The following SLC17A1 variants were observed in gnomAD, a reference collection of about 807,000 sequenced individuals.
SLC17A1 encodes solute carrier family 17 member 1, also known as sodium-dependent phosphate transport protein 1.
Under a neutral mutation model 53.5 loss-of-function variants are expected in SLC17A1, and 51 were observed. That is an observed-to-expected ratio of 0.95 (90% confidence interval 0.76 to 1.20). The LOEUF is 1.20. SLC17A1 is among the 50% of genes most tolerant of loss of function. The pLI is 0.00. For synonymous variants in SLC17A1, 179 were observed against 198.8 expected, an observed-to-expected ratio of 0.90 and a Z score of 0.84; for missense variants, 538 against 568.2, an observed-to-expected ratio of 0.95 and a Z score of 0.54.
At chr6:25,726,898 G>C in the SLC17A1 span, 1 of 1,607,648 alleles carries the variant, frequency 6.2e-7, no homozygotes, top group East Asian at 2.2e-5. Flanking sequence ...CTGCAGAAGT[G>C]TGTGGTAGCT....
chr6:25,727,350 T>TAATGA, the SLC17A1 span: 2 of 1,446,980 alleles, frequency 1.4e-6, no homozygotes, highest in Non-Finnish European at 1.9e-6. Flanking sequence ...CACTTAAACA[T>TAATGA]ACTGAAACAG....
the SLC17A1 span, among the ~76,000 whole-genome samples, chr6:25,769,770 T>C: frequency 1.3e-5 from 2 of 152,088 alleles, no homozygotes; most frequent in African/African-American, 4.8e-5. Context: ...CTGCTTTTTC[T>C]TCCTTCCACG....
chr6:25,758,180 T>C, the SLC17A1 span, among the ~76,000 whole-genome samples: 1 of 152,184 alleles, frequency 6.6e-6, no homozygotes, highest in South Asian at 2.1e-4. Context: ...CACACACACA[T>C]AGGGGACATA....
chr6:25,787,043 A>G (rs1294414744), intron 12 of SLC17A1, among the ~76,000 whole-genome samples: 1 of 60,866 alleles, frequency 1.6e-5, no homozygotes, highest in African/African-American at 4.3e-5. Flanking sequence ...TTAACAAGGA[A>G]ATAAATAAAT....
intron 12 of SLC17A1, among the ~76,000 whole-genome samples, chr6:25,795,494 A>G (rs528912946): frequency 1.3e-5 from 2 of 152,304 alleles, no homozygotes; most frequent in South Asian, 2.1e-4. Flanking sequence ...GAGGAGGAGA[A>G]GGACCAAAAA....
the SLC17A1 span, among the ~76,000 whole-genome samples, chr6:25,736,609 C>T: frequency 6.6e-6 from 1 of 152,084 alleles, no homozygotes; most frequent in Non-Finnish European, 1.5e-5. Context: ...TTTTGACTCC[C>T]TTCCATGGGG....
chr6:25,806,585 A>G (rs1763961229), intron 10 of SLC17A1, among the ~76,000 whole-genome samples: 1 of 151,934 alleles, frequency 6.6e-6, no homozygotes. Flanking sequence ...GGAAGTCAAA[A>G]CCTAGGAAAA....
the SLC17A1 span, among the ~76,000 whole-genome samples, chr6:25,749,153 C>T: frequency 2.0e-5 from 3 of 152,218 alleles, no homozygotes; most frequent in African/African-American, 7.2e-5. Flanking sequence ...TTGAACAATA[C>T]CCAGCTTTCC....
chr6:25,746,629 T>C, the SLC17A1 span, among the ~76,000 whole-genome samples: 2 of 152,172 alleles, frequency 1.3e-5, no homozygotes, highest in Admixed American at 1.3e-4. Flanking sequence ...CTATGCCTTG[T>C]TGTGGAATAT....
chr6:25,795,366 T>A (rs897007428), intron 12 of SLC17A1, among the ~76,000 whole-genome samples: 26 of 152,072 alleles, frequency 1.7e-4, no homozygotes, highest in Admixed American at 1.3e-3. Flanking sequence ...AGAAAAAGAA[T>A]ATAGCATGTA....
At chr6:25,755,760 G>T in the SLC17A1 span, among the ~76,000 whole-genome samples, 3 of 152,124 alleles carry the variant, frequency 2.0e-5, no homozygotes, top group Non-Finnish European at 4.4e-5. Flanking sequence ...TCCCTTCTGG[G>T]TCTAACAGGA....
chr6:25,766,590 A>G, the SLC17A1 span, among the ~76,000 whole-genome samples: 9 of 152,162 alleles, frequency 5.9e-5, no homozygotes, highest in Non-Finnish European at 2.9e-5. Context: ...ACCAAGATCA[A>G]CTCAACAGTA....
At chr6:25,724,718 T>C in the SLC17A1 span, among the ~76,000 whole-genome samples, 1 of 152,360 alleles carries the variant, frequency 6.6e-6, no homozygotes, top group Admixed American at 6.5e-5. Flanking sequence ...ATTAATTACT[T>C]GGAATTCATC....
chr6:25,800,623 C>T (rs1228420470), intron 11 of SLC17A1, among the ~76,000 whole-genome samples: 1 of 152,092 alleles, frequency 6.6e-6, no homozygotes, highest in Non-Finnish European at 1.5e-5. Context: ...TCCACATATT[C>T]ATTATCAAAA....
the SLC17A1 span, chr6:25,770,319 G>A: frequency 6.2e-7 from 1 of 1,613,664 alleles, no homozygotes; most frequent in Non-Finnish European, 8.5e-7. Context: ...ATGTTTTCCA[G>A]GTATAAGTGG....
intron 3 of SLC17A1, among the ~76,000 whole-genome samples, chr6:25,825,389 GT>G (rs1221197501): frequency 1.3e-5 from 2 of 151,622 alleles, no homozygotes; most frequent in East Asian, 3.9e-4. Flanking sequence ...CAGTCTTTCA[GT>G]TTTGTCAATA....
At chr6:25,753,563 TAAA>T in the SLC17A1 span, among the ~76,000 whole-genome samples, 1 of 151,736 alleles carries the variant, frequency 6.6e-6, no homozygotes, top group African/African-American at 2.4e-5. Flanking sequence ...ATGGAGAAAA[TAAA>T]AAATAATGGA....
the SLC17A1 span, chr6:25,726,108 CT>C: frequency 1.3e-6 from 2 of 1,503,296 alleles, no homozygotes; most frequent in Non-Finnish European, 8.9e-7. Flanking sequence ...ACACAGAAGT[CT>C]TTTTACCAAT....
intron 11 of SLC17A1, among the ~76,000 whole-genome samples, 162 bp from the exon 12 acceptor site, chr6:25,799,081 T>C (rs1392613946): frequency 6.6e-6 from 1 of 152,178 alleles, no homozygotes; most frequent in Non-Finnish European, 1.5e-5. Flanking sequence ...CTTTATAAAA[T>C]AATCACTTTT....
Sources: gnomAD v4.1 joint callset for allele counts (sites outside exome capture counted in the v4.1 genomes callset) on GRCh38, gnomAD v4.1.1 for gene constraint, MANE v1.5 for transcripts, NCBI Gene and HGNC (gene_info 2026-07-23, HGNC 2026-07-21) for gene names.